Variants in SOX17 observed in about 807,000 individuals in gnomAD.
SOX17 encodes the protein SRY-box transcription factor 17, also known as transcription factor SOX-17.
Under a neutral mutation model 16.0 loss-of-function variants are expected in SOX17, and 4 were observed. The observed-to-expected ratio is 0.25, with a 90% CI of 0.12 to 0.57. The LOEUF is 0.57. Among genes scored for constraint, SOX17 ranks in the 20% least tolerant of loss-of-function variants. SOX17 has a pLI of 0.92. For missense variants in SOX17, 633 were observed against 609.7 expected (o/e 1.04, Z -0.40); for synonymous variants, 357 against 284.6 (o/e 1.25, Z -2.56).
Position 54,460,050 on chromosome 8 carries a change from G to T in SOX17, c.*55G>T. 6.3e-7 allele frequency: 1 copy of T among 1,582,492 alleles called. No individual in the cohort carries two copies. Among genetic ancestry groups the T allele is most frequent in the South Asian group, 1.1e-5 (1 of 90,422 alleles). ...CCAGAAGCAGTGTTACACACTTCCT[G>T]GAGGAGCTAAGGAAATCCTCAGACT... is the stretch of plus-strand genomic sequence containing the variant. On this transcript the variant is annotated 3_prime_UTR_variant, in exon 2 of 2. Coordinates refer to ENST00000297316, the MANE Select transcript of SOX17 (RefSeq NM_022454.4).
rs1381547285 is a variant in SOX17 at position 54,459,606 on chromosome 8, C to A, written c.856C>A (p.Leu286Ile). 10 of 1,540,868 alleles carry A rather than the reference C, an allele frequency of 6.5e-6. No individual in the cohort carries two copies. In the African/African-American group the frequency reaches 1.1e-4, roughly 17 times the overall value. ...PEPAGPSIPG[L>I]LAPPSALHVY... ...GCCCGCGGGTCCCTCGATTCCGGGCCTCCTGGCGCCACCCAGCGCCCTTCA... is the reference window on the plus strand; with the variant it reads ...GCCCGCGGGTCCCTCGATTCCGGGCATCCTGGCGCCACCCAGCGCCCTTCA... The change falls in exon 2 of 2, where the codon CTC becomes ATC. Residue 286 changes from leucine to isoleucine, a missense_variant. Leu to Ile is a conservative substitution (Grantham distance 5). This residue lies in a region of SOX17 where 479 missense variants were observed against 397.2 expected (regional missense o/e 1.21). Coordinates refer to ENST00000297316, the MANE Select transcript of SOX17 (RefSeq NM_022454.4).
rs1261549831 is a variant in SOX17 at position 54,458,430 on chromosome 8, T to C, written c.292T>C (p.Leu98=). ...QQNPDLHNAE[L]SKMLGKSWKA... ...GAATCCAGACCTGCACAACGCCGAG[T>C]TGAGCAAGATGCTGGGTGAGTCCGA... The change falls in exon 1 of 2, where the codon TTG becomes CTG. Residue 98 remains leucine, a synonymous_variant. Transcript: ENST00000297316. 10 of 1,612,648 alleles carry C rather than the reference T, an allele frequency of 6.2e-6. No individual in the cohort carries two copies. The Admixed American group carries it at 1.3e-4, about 21-fold the overall frequency.
chr8:54,459,906 G>A lies in SOX17; in HGVS notation c.1156G>A (p.Val386Met), dbSNP rs2129278372. ...GLPYQGHDSGVNLPDSHGAIS... is the reference protein window; with the variant it reads ...GLPYQGHDSGMNLPDSHGAIS... The stretch of plus-strand genomic sequence containing the variant: ...CCCCTACCAGGGGCATGACTCCGGT[G>A]TGAATCTCCCCGACAGCCACGGGGC... Residue 386 changes from valine (V) to methionine (M), a missense_variant, in exon 2 of 2, where the codon GTG becomes ATG. Physicochemically the swap from Val to Met is conservative, Grantham distance 21. This residue lies in a region of SOX17 where 479 missense variants were observed against 397.2 expected (regional missense o/e 1.21). Coordinates refer to ENST00000297316, the MANE Select transcript of SOX17 (RefSeq NM_022454.4). 1 of 1,613,918 alleles carries A rather than the reference G, an allele frequency of 6.2e-7. No individual in the cohort carries two copies. The highest frequency in any genetic ancestry group is 8.5e-7 in the Non-Finnish European group (1 of 1,180,044).
chr8:54,460,571 C>T lies in SOX17; in HGVS notation c.*576C>T. The T allele has an allele frequency of 4.3e-6, 1 of 234,514 alleles. No homozygotes were observed. Among genetic ancestry groups the T allele is most frequent in the Non-Finnish European group, 8.4e-6 (1 of 119,060 alleles). 14.5% of individuals were successfully genotyped at this position (234,514 alleles called of 1,614,324 possible). A position where few individuals can be genotyped will look rare whatever the true frequency, so the allele number is the denominator to read the frequency against. On this transcript the variant is annotated 3_prime_UTR_variant, in exon 2 of 2. Transcript: ENST00000297316. ...TGTTTCAGGAAGGAAAAAAGAAAAG[C>T]ATTCTGGAATGAGCCTACTTCAAGT... is the stretch of plus-strand genomic sequence containing the variant.
chr8:54,459,857 C>T lies in SOX17; in HGVS notation c.1107C>T (p.Phe369=), dbSNP rs201582946. 108 of 1,613,798 alleles carry T rather than the reference C, an allele frequency of 6.7e-5. No homozygotes were observed. Among genetic ancestry groups the T allele is most frequent in the Admixed American group, 1.2e-4 (7 of 60,028 alleles). The change falls in exon 2 of 2, where the codon TTC becomes TTT. Residue 369 remains phenylalanine (F), a synonymous_variant. Transcript: ENST00000297316. ...DRTEFEQYLH[F]VCKPEMGLPY... ...CGGAATTTGAACAGTATCTGCACTTCGTGTGCAAGCCTGAGATGGGCCTCC... is the reference window on the plus strand; with the variant it reads ...CGGAATTTGAACAGTATCTGCACTTTGTGTGCAAGCCTGAGATGGGCCTCC...
In SOX17 at chr8:54,460,601, T is replaced by G. The variant is rs1275156397; in HGVS notation, c.*606T>G. The G allele has an allele frequency of 4.3e-6, 1 of 233,028 alleles. No individual in the cohort carries two copies. Among genetic ancestry groups the G allele is most frequent in the Admixed American group, 5.6e-5 (1 of 17,870 alleles). 14.4% of individuals were successfully genotyped at this position (233,028 alleles called of 1,614,324 possible). On this transcript the variant is annotated 3_prime_UTR_variant, in exon 2 of 2. Coordinates refer to ENST00000297316, the MANE Select transcript of SOX17 (RefSeq NM_022454.4). Reference sequence around the variant, plus strand: ...TGGAATGAGCCTACTTCAAGTAATCTTAGTTTCTAAAACTAACAGTTAATA... The same window carrying G: ...TGGAATGAGCCTACTTCAAGTAATCGTAGTTTCTAAAACTAACAGTTAATA...
In SOX17 at chr8:54,458,220, G is replaced by A; in HGVS notation, c.82G>A (p.Gly28Ser). 2 of 1,595,250 alleles carry A rather than the reference G, an allele frequency of 1.3e-6. No homozygotes were observed. The highest frequency in any genetic ancestry group is 1.7e-6 in the Non-Finnish European group (2 of 1,172,948). The change falls in exon 1 of 2, where the codon GGC (glycine) becomes AGC (serine). Residue 28 changes from glycine (G) to serine (S), a missense_variant. Gly to Ser is a moderately conservative substitution (Grantham distance 56). Coordinates refer to ENST00000297316, the MANE Select transcript of SOX17 (RefSeq NM_022454.4). ...GCTGCCCGCGGTGATGGCCGGGCTGGGCCCCTGCCCCTGGGCCGAGTCGCT... is the reference window on the plus strand; with the variant it reads ...GCTGCCCGCGGTGATGGCCGGGCTGAGCCCCTGCCCCTGGGCCGAGTCGCT... Reference protein sequence around the residue: ...SALPAVMAGLGPCPWAESLSP... With the variant: ...SALPAVMAGLSPCPWAESLSP...
rs542842469 is a variant in SOX17, at chr8:54,459,044, C to A, written c.308-14C>A. ...AAGCCCTGCGCCCCTCTCCCCCTTC[C>A]TTCCACTGTGCAGGCAAGTCGTGGA... On this transcript the variant is annotated splice_polypyrimidine_tract_variant and intron_variant, in intron 1 of 1. Coordinates refer to ENST00000297316, the MANE Select transcript of SOX17 (RefSeq NM_022454.4). The A allele has an allele frequency of 2.5e-6, 4 of 1,590,802 alleles. No individual in the cohort carries two copies. Among genetic ancestry groups the A allele is most frequent in the Non-Finnish European group, 3.4e-6 (4 of 1,169,866 alleles).
rs1429058725 is a variant in SOX17, at chr8:54,458,154, G to A, written c.16G>A (p.Ala6Thr). Reference protein sequence around the residue: MSSPDAGYASDDQSQT... With the variant: MSSPDTGYASDDQSQT... ...CTGGAGCGCCATGAGCAGCCCGGAT[G>A]CGGGATACGCCAGTGACGACCAGAG... is the stretch of plus-strand genomic sequence containing the variant. The change falls in exon 1 of 2, where the codon GCG (alanine) becomes ACG (threonine). Residue 6 changes from alanine (A) to threonine (T), a missense_variant. By Grantham distance (58) the Ala-to-Thr change is moderately conservative (BLOSUM62 0). Coordinates refer to ENST00000297316, the MANE Select transcript of SOX17 (RefSeq NM_022454.4). 6.4e-7 allele frequency: 1 copy of A among 1,568,768 alleles called. No homozygotes were observed. Among genetic ancestry groups the A allele is most frequent in the South Asian group, 1.2e-5 (1 of 86,464 alleles).
At position 54,459,317 on chromosome 8, in the gene SOX17, C is replaced by T. The variant is rs780594698; in HGVS notation, c.567C>T (p.Pro189=). Residue 189 remains proline, a synonymous_variant, in exon 2 of 2, where the codon CCC becomes CCT. Transcript: ENST00000297316. ...TCCAGTTCCCCGAGCAGGGCTTCCCCGCCGGCCCGCCGCTGCTGCCTCCGC... is the reference window on the plus strand; with the variant it reads ...TCCAGTTCCCCGAGCAGGGCTTCCCTGCCGGCCCGCCGCTGCTGCCTCCGC... ...LGLQFPEQGF[P]AGPPLLPPHM... 1.7e-5 allele frequency: 26 copies of T among 1,526,102 alleles called. 1 individual carries two copies. In the Admixed American group the frequency reaches 4.7e-4, roughly 28 times the overall value. The allele number at this position is 1,526,102 out of a possible 1,614,324, so 94.5% of individuals were successfully genotyped here. A position where few individuals can be genotyped will look rare whatever the true frequency, so the allele number is the denominator to read the frequency against.
Position 54,459,307 on chromosome 8 carries a change from A to G in SOX17, c.557A>G (p.Gln186Arg). 1 of 1,518,106 alleles carries G rather than the reference A, an allele frequency of 6.6e-7. No homozygotes were observed. The highest frequency in any genetic ancestry group is 1.2e-5 in the South Asian group (1 of 81,498). The allele number at this position is 1,518,106 out of a possible 1,614,324, so 94.0% of individuals were successfully genotyped here. The change falls in exon 2 of 2, where the codon CAG (glutamine) becomes CGG (arginine). Residue 186 changes from glutamine to arginine, a missense_variant. Physicochemically the swap from Gln to Arg is conservative, Grantham distance 43 (BLOSUM62 1). Transcript: ENST00000297316. Reference protein sequence around the residue: ...MDGLGLQFPEQGFPAGPPLLP... With the variant: ...MDGLGLQFPERGFPAGPPLLP... ...GGCCTGGGCCTCCAGTTCCCCGAGC[A>G]GGGCTTCCCCGCCGGCCCGCCGCTG...
In SOX17 at chr8:54,458,453, C is replaced by G. The variant is rs763351958; in HGVS notation, c.307+8C>G. 1.9e-6 allele frequency: 3 copies of G among 1,612,594 alleles called. No homozygotes were observed. Among genetic ancestry groups the G allele is most frequent in the Non-Finnish European group, 2.5e-6 (3 of 1,179,874 alleles). Reference sequence around the variant, plus strand: ...AGTTGAGCAAGATGCTGGGTGAGTCCGAGTCGCAGACCCAGGCGGCCGGGC... The same window carrying G: ...AGTTGAGCAAGATGCTGGGTGAGTCGGAGTCGCAGACCCAGGCGGCCGGGC... On this transcript the variant is annotated splice_region_variant and intron_variant, in intron 1 of 1. Transcript: ENST00000297316.
chr8:54,458,640 G>A (rs906361445), intron 1 of SOX17, among the ~76,000 whole-genome samples, 195 bp downstream of exon 1: 3 of 152,150 alleles, frequency 2.0e-5, no homozygotes, highest in African/African-American at 4.8e-5. Context: ...TTTCCGCCTT[G>A]CTCTCCGGCT....
chr8:54,458,099 C>A lies in SOX17; in HGVS notation c.-40C>A, dbSNP rs200529453. 3.5e-6 allele frequency: 5 copies of A among 1,440,478 alleles called. No individual in the cohort carries two copies. In the African/African-American group the frequency reaches 5.9e-5, roughly 17 times the overall value. The allele number at this position is 1,440,478 out of a possible 1,614,324, so 89.2% of individuals were successfully genotyped here. A position where few individuals can be genotyped will look rare whatever the true frequency, so the allele number is the denominator to read the frequency against. ...CCCGGGTCGGGGGAGGCGGCGCGTC[C>A]GGCGGAGGGTTGAGGGGAGCGGGGC... is the stretch of plus-strand genomic sequence containing the variant. On this transcript the variant is annotated 5_prime_UTR_variant, in exon 1 of 2. Coordinates refer to ENST00000297316, the MANE Select transcript of SOX17 (RefSeq NM_022454.4).
At chr8:54,459,037 C>G (rs762120580) in intron 1 of SOX17, 21 bp from the exon 2 acceptor site, 1 of 1,578,984 alleles carries the variant, frequency 6.3e-7, no homozygotes, top group Non-Finnish European at 8.6e-7. Context: ...CGCCCCTCTC[C>G]CCCTTCCTTC....
chr8:54,458,916 G>A, intron 1 of SOX17, 142 bp from the exon 2 acceptor site: 1 of 726,676 alleles, frequency 1.4e-6, no homozygotes, highest in Non-Finnish European at 2.1e-6. Context: ...AGGAGTCCCA[G>A]ATCTCCCTCT....
Position 54,460,100 on chromosome 8 carries a change from T to G in SOX17, c.*105T>G, listed in dbSNP as rs117273864. On this transcript the variant is annotated 3_prime_UTR_variant, in exon 2 of 2. Coordinates refer to ENST00000297316, the MANE Select transcript of SOX17 (RefSeq NM_022454.4). The stretch of plus-strand genomic sequence containing the variant: ...TCCTGGGTTTTTGTTGTTGCTGTTG[T>G]TGTTTTTTAAAAGGTGTGTTGGCAT... 39,138 of 1,266,446 alleles carry G rather than the reference T, an allele frequency of 0.031. 896 individuals carry two copies. Among genetic ancestry groups the G allele is most frequent in the Admixed American group, 0.1 (5,745 of 57,154 alleles). The allele number at this position is 1,266,446 out of a possible 1,614,324, so 78.5% of individuals were successfully genotyped here. A position where few individuals can be genotyped will look rare whatever the true frequency, so the allele number is the denominator to read the frequency against.
chr8:54,459,654 T>C lies in SOX17; in HGVS notation c.904T>C (p.Ser302Pro), dbSNP rs1203347133. ...TCACGTGTACTACGGCGCGATGGGC[T>C]CGCCCGGGGCGGGCGGCGGGCGCGG... The part of the protein sequence containing the change: ...ALHVYYGAMG[S>P]PGAGGGRGFQ... The change falls in exon 2 of 2, where the codon TCG (serine) becomes CCG (proline). Residue 302 changes from serine (S) to proline (P), a missense_variant. Physicochemically the swap from Ser to Pro is moderately conservative, Grantham distance 74 (BLOSUM62 -1). This residue lies in a region of SOX17 where 479 missense variants were observed against 397.2 expected (regional missense o/e 1.21). Transcript: ENST00000297316. 15 of 1,536,740 alleles carry C rather than the reference T, an allele frequency of 9.8e-6. No individual in the cohort carries two copies. The highest frequency in any genetic ancestry group is 1.7e-6 in the Non-Finnish European group (2 of 1,146,118).
Position 54,460,081 on chromosome 8 carries a change from G to T in SOX17, c.*86G>T. On this transcript the variant is annotated 3_prime_UTR_variant, in exon 2 of 2. Transcript: ENST00000297316. The stretch of plus-strand genomic sequence containing the variant: ...GCTAAGGAAATCCTCAGACTCCTGG[G>T]TTTTTGTTGTTGCTGTTGTTGTTTT... The T allele has an allele frequency of 7.1e-7, 1 of 1,402,358 alleles. No individual in the cohort carries two copies. The allele number at this position is 1,402,358 out of a possible 1,614,324, so 86.9% of individuals were successfully genotyped here.
Sources: allele counts gnomAD v4.1 joint callset (sites outside exome capture counted in the v4.1 genomes callset), GRCh38; gene constraint gnomAD v4.1.1; regional missense constraint gnomAD v4.1.1; transcripts MANE v1.5; gene names NCBI Gene and HGNC (gene_info 2026-07-23, HGNC 2026-07-21).